The following ADAMTS12 variants were observed in gnomAD, a reference collection of about 807,000 sequenced individuals.
ADAMTS12 encodes ADAM metallopeptidase with thrombospondin type 1 motif 12.
ADAMTS12 carries 118 observed loss-of-function variants against 167.8 expected under a neutral mutation model. The observed-to-expected ratio is 0.70, with a 90% CI of 0.61 to 0.82. The LOEUF is 0.82. Among genes scored for constraint, ADAMTS12 ranks in the 40% least tolerant of loss-of-function variants. ADAMTS12 has a pLI of 0.00. For missense variants in ADAMTS12, 1,916 were observed against 1,998.8 expected (o/e 0.96, Z 0.79); for synonymous variants, 704 against 716.9 (o/e 0.98, Z 0.29).
intron 4 of ADAMTS12, among the ~76,000 whole-genome samples, 164 bp downstream of exon 4, chr5:33,683,695 T>C (rs1172860115): frequency 1.3e-5 from 2 of 152,190 alleles, no homozygotes; most frequent in Admixed American, 6.5e-5. Flanking sequence ...TAATTCATCC[T>C]GAATTTCCAT....
At chr5:33,792,076 C>A (rs1561274550) in intron 2 of ADAMTS12, among the ~76,000 whole-genome samples, 1 of 149,924 alleles carries the variant, frequency 6.7e-6, no homozygotes, top group Admixed American at 6.7e-5. Flanking sequence ...CGGCTCACTG[C>A]AACCTCTGCC....
At chr5:33,666,959 A>G (rs1741495704) in intron 5 of ADAMTS12, among the ~76,000 whole-genome samples, 1 of 152,192 alleles carries the variant, frequency 6.6e-6, no homozygotes, top group South Asian at 2.1e-4. Flanking sequence ...ACTTCCACAT[A>G]CTTCATCTTA....
At chr5:33,838,689 A>G (rs2111584187) in intron 2 of ADAMTS12, among the ~76,000 whole-genome samples, 1 of 152,270 alleles carries the variant, frequency 6.6e-6, no homozygotes, top group South Asian at 2.1e-4. Flanking sequence ...CACAGACGAA[A>G]AAAAGAAAGA....
chr5:33,611,137 G>A (rs1738709308), intron 16 of ADAMTS12, among the ~76,000 whole-genome samples: 1 of 152,146 alleles, frequency 6.6e-6, no homozygotes, highest in Non-Finnish European at 1.5e-5. Flanking sequence ...GCATGGTATA[G>A]TGCATATGAT....
intron 16 of ADAMTS12, chr5:33,603,790 T>TAAAC (rs35122749): frequency 3.3e-5 from 1 of 30,256 alleles, no homozygotes; most frequent in Non-Finnish European, 7.3e-5. Flanking sequence ...AATTTATGCT[T>TAAAC]ACTTTGTTCC....
chr5:33,611,801 G>A (rs930316577), intron 16 of ADAMTS12, among the ~76,000 whole-genome samples: 52 of 152,198 alleles, frequency 3.4e-4, no homozygotes, highest in African/African-American at 1.0e-3. Context: ...AAAAGTATCC[G>A]TATTGTGATA....
intron 2 of ADAMTS12, among the ~76,000 whole-genome samples, chr5:33,834,671 C>A (rs1485911099): frequency 2.0e-5 from 3 of 152,194 alleles, no homozygotes; most frequent in Admixed American, 6.5e-5. Flanking sequence ...CTCTTAACCA[C>A]CATCCCATAC....
At chr5:33,539,877 A>C (rs1316961949) in intron 22 of ADAMTS12, among the ~76,000 whole-genome samples, 1 of 152,176 alleles carries the variant, frequency 6.6e-6, no homozygotes, top group Non-Finnish European at 1.5e-5. Context: ...GCTCCCAGCG[A>C]GATCGACACA....
intron 11 of ADAMTS12, among the ~76,000 whole-genome samples, chr5:33,639,481 A>T (rs1451072553): frequency 1.3e-5 from 2 of 152,216 alleles, no homozygotes; most frequent in African/African-American, 4.8e-5. Flanking sequence ...GATTTACGGA[A>T]GGGCTTGTCC....
chr5:33,571,462 A>C (rs921545752), intron 19 of ADAMTS12, among the ~76,000 whole-genome samples: 9 of 152,210 alleles, frequency 5.9e-5, no homozygotes, highest in African/African-American at 1.9e-4. Flanking sequence ...CCACTCAACT[A>C]CATGGAAACT....
In ADAMTS12 at chr5:33,686,922, A is replaced by AATATATATAT. The variant is rs369832766; in HGVS notation, c.635-2877_635-2868dup. Among the ~76,000 whole-genome samples, 21 of 138,296 alleles carry AATATATATAT rather than the reference A, an allele frequency of 1.5e-4. No homozygotes were observed. In the East Asian group the frequency reaches 1.7e-3, roughly 11 times the overall value. 90.7% of individuals were successfully genotyped at this position (138,296 alleles called of 152,430 possible). On this transcript the variant is annotated intron_variant, in intron 3 of 23. Transcript: ENST00000504830. ...ACATATTCTCTATATATAGGCACTG[A>AATATATATAT]ATATATATATATATAGAGAGAGAGA...
chr5:33,757,754 T>C (rs1425737450), intron 2 of ADAMTS12, among the ~76,000 whole-genome samples: 1 of 152,192 alleles, frequency 6.6e-6, no homozygotes, highest in Non-Finnish European at 1.5e-5. Context: ...GCTTAACACA[T>C]TGAGCCCCAG....
intron 23 of ADAMTS12, among the ~76,000 whole-genome samples, chr5:33,530,271 A>C (rs1744035008): frequency 6.6e-6 from 1 of 152,078 alleles, no homozygotes; most frequent in South Asian, 2.1e-4. Flanking sequence ...ATTCAACTTC[A>C]GAGAGTACAT....
chr5:33,834,009 G>A (rs1355867073), intron 2 of ADAMTS12, among the ~76,000 whole-genome samples: 1 of 150,242 alleles, frequency 6.7e-6, no homozygotes, highest in Non-Finnish European at 1.5e-5. Flanking sequence ...TGTAGGCAAG[G>A]TTAGTTCCTT....
At chr5:33,587,204 G>C (rs1203362326) in intron 18 of ADAMTS12, among the ~76,000 whole-genome samples, 3 of 152,016 alleles carry the variant, frequency 2.0e-5, no homozygotes, top group Admixed American at 1.3e-4. Flanking sequence ...TTTCAAATAG[G>C]TATCTTCAGA....
chr5:33,558,031 G>T (rs1745565252), intron 20 of ADAMTS12, among the ~76,000 whole-genome samples: 3 of 151,878 alleles, frequency 2.0e-5, no homozygotes, highest in Non-Finnish European at 4.4e-5. Context: ...AACAAGCTCA[G>T]GGCTCCCACT....
At position 33,601,741 on chromosome 5, in the gene ADAMTS12, C is replaced by T. The variant is rs151332560; in HGVS notation, c.2528-5681G>A. Among the ~76,000 whole-genome samples the T allele has an allele frequency of 3.2e-4, 49 of 152,176 alleles. No homozygotes were observed. In the East Asian group the frequency reaches 6.6e-3, roughly 20 times the overall value. On this transcript the variant is annotated intron_variant, in intron 16 of 23. Transcript: ENST00000504830. Reference sequence around the variant, plus strand: ...TTTTACTATCATCATTTGTTGAAACCTATACCTCTCACATCAGTAAAACTC... The same window carrying T: ...TTTTACTATCATCATTTGTTGAAACTTATACCTCTCACATCAGTAAAACTC...
intron 10 of ADAMTS12, among the ~76,000 whole-genome samples, chr5:33,642,445 C>T (rs532155358): frequency 1.2e-4 from 19 of 152,182 alleles, no homozygotes; most frequent in South Asian, 4.2e-4. Context: ...AGAACTCATC[C>T]GCTGCAAAAA....
chr5:33,759,530 C>A (rs956451092), intron 2 of ADAMTS12, among the ~76,000 whole-genome samples: 1 of 152,022 alleles, frequency 6.6e-6, no homozygotes, highest in Admixed American at 6.6e-5. Flanking sequence ...TGAAAATGAC[C>A]CCAAACAGTG....
Sources: allele counts gnomAD v4.1 joint callset (sites outside exome capture counted in the v4.1 genomes callset), GRCh38; gene constraint gnomAD v4.1.1; transcripts MANE v1.5; gene names NCBI Gene and HGNC (gene_info 2026-07-23, HGNC 2026-07-21).